PPP6R3: variants seen among roughly 807,000 people sequenced by gnomAD.
PPP6R3 encodes the protein protein phosphatase 6 regulatory subunit 3.
PPP6R3 carries 38 observed loss-of-function variants against 110.7 expected under a neutral mutation model. That is an observed-to-expected ratio of 0.34 (90% CI 0.26 to 0.45). The LOEUF is 0.45. Ranked by LOEUF, PPP6R3 falls within the 20% of genes least tolerant of loss-of-function variation. The probability of loss-of-function intolerance (pLI) is 1.00; values close to 1 mark genes in which losing one functional copy is unlikely to be tolerated. For missense variants in PPP6R3, 870 were observed against 1,062.4 expected, an observed-to-expected ratio of 0.82 and a Z score of 2.52; for synonymous variants, 369 against 373.5, an observed-to-expected ratio of 0.99 and a Z score of 0.14.
chr11:68,547,990 C>T (rs578174958), intron 4 of PPP6R3, 77 bp from the exon 5 acceptor site: 20 of 1,405,608 alleles, frequency 1.4e-5, no homozygotes, highest in East Asian at 2.5e-5. Flanking sequence ...TTGGAGGAGT[C>T]GGGGTTGGGA....
intron 19 of PPP6R3, among the ~76,000 whole-genome samples, chr11:68,597,817 GA>G (rs10690649): frequency 2.5e-3 from 295 of 119,388 alleles, no homozygotes; most frequent in Admixed American, 3.5e-3. Flanking sequence ...TGTCTCTACT[GA>G]AAAAAAAAAA....
intron 1 of PPP6R3, among the ~76,000 whole-genome samples, chr11:68,495,278 C>G (rs938952232): frequency 2.6e-5 from 4 of 152,160 alleles, no homozygotes; most frequent in Non-Finnish European, 5.9e-5. Context: ...TGCTAAAACC[C>G]TTAAAAAACA....
In PPP6R3 at chr11:68,613,888, G is replaced by C. The variant is rs969946801; in HGVS notation, c.*771G>C. ...AGACTATTTGGAGTGTATATGGCTT[G>C]TGTTTTGGGATTTTTTTTTTTTTTT... On this transcript the variant is annotated 3_prime_UTR_variant, in exon 24 of 24. Coordinates refer to ENST00000393800, the MANE Select transcript of PPP6R3 (RefSeq NM_001164161.2). 94 of 958,866 alleles carry C rather than the reference G, an allele frequency of 9.8e-5. No individual in the cohort carries two copies. Among genetic ancestry groups the C allele is most frequent in the Non-Finnish European group, 1.1e-4 (91 of 812,524 alleles). The allele number at this position is 958,866 out of a possible 1,614,324, so 59.4% of individuals were successfully genotyped here. A position where few individuals can be genotyped will look rare whatever the true frequency, so the allele number is the denominator to read the frequency against.
intron 1 of PPP6R3, among the ~76,000 whole-genome samples, chr11:68,477,455 TTA>T (rs2098840433): frequency 1.3e-5 from 2 of 152,052 alleles, no homozygotes; most frequent in Non-Finnish European, 2.9e-5. Context: ...GTGCAGTGAC[TTA>T]TGCCTGTTAT....
chr11:68,606,286 C>T (rs1048111146), intron 22 of PPP6R3, among the ~76,000 whole-genome samples: 3 of 150,792 alleles, frequency 2.0e-5, no homozygotes, highest in Admixed American at 6.6e-5. Context: ...TTCTTTCCTC[C>T]TCTTCCTCCT....
At chr11:68,587,748 GT>G in intron 15 of PPP6R3, 178 bp from the exon 16 acceptor site, 1 of 684,368 alleles carries the variant, frequency 1.5e-6, no homozygotes, top group Non-Finnish European at 2.6e-6. Flanking sequence ...AATTTCAAAC[GT>G]TTCCTTTTTT....
intron 6 of PPP6R3, among the ~76,000 whole-genome samples, chr11:68,552,149 A>G (rs535702050): frequency 6.9e-4 from 105 of 151,890 alleles, no homozygotes; most frequent in African/African-American, 2.4e-3. Flanking sequence ...GTAGTCATCC[A>G]TTTTTACCTA....
At chr11:68,565,657 A>G (rs2099460920) in intron 9 of PPP6R3, among the ~76,000 whole-genome samples, 1 of 151,990 alleles carries the variant, frequency 6.6e-6, no homozygotes, top group African/African-American at 2.4e-5. Flanking sequence ...TTCTGGGTGG[A>G]CAAACAGGTG....
Position 68,558,408 on chromosome 11 carries a change from A to G in PPP6R3, c.732-158A>G, listed in dbSNP as rs559901328. On this transcript the variant is annotated intron_variant, in intron 7 of 23. Transcript: ENST00000393800. ...TGTGTGTAATTTATAAATAGGATCA[A>G]TTGCCTACTTTAATAAGTATATAGA... 1.5e-5 allele frequency: 7 copies of G among 481,732 alleles called. No individual in the cohort carries two copies. The South Asian group carries it at 1.6e-4, about 11-fold the overall frequency. 29.8% of individuals were successfully genotyped at this position (481,732 alleles called of 1,614,324 possible).
chr11:68,590,833 TGTTACATAC>T (rs771119323), intron 17 of PPP6R3, 119 bp downstream of exon 17: 229 of 1,189,510 alleles, frequency 1.9e-4, no homozygotes, highest in Admixed American at 3.3e-4. Flanking sequence ...CCTAAATTGG[TGTTACATAC>T]TTCACTCTGT....
intron 16 of PPP6R3, among the ~76,000 whole-genome samples, chr11:68,589,003 T>G (rs947448751): frequency 2.6e-5 from 4 of 151,898 alleles, no homozygotes; most frequent in African/African-American, 9.7e-5. Context: ...GGTTAGGGGT[T>G]CGAGACCAGC....
intron 7 of PPP6R3, among the ~76,000 whole-genome samples, chr11:68,556,407 A>C (rs746869979): frequency 7.9e-5 from 12 of 152,190 alleles, no homozygotes; most frequent in Non-Finnish European, 1.8e-4. Context: ...GAAGTTCAAA[A>C]ATTTTTTAAA....
chr11:68,542,444 A>AGTGCAGT (rs1452579820), intron 3 of PPP6R3, among the ~76,000 whole-genome samples: 1 of 115,118 alleles, frequency 8.7e-6, no homozygotes, highest in Non-Finnish European at 1.6e-5. Context: ...TCCAGGCTGG[A>AGTGCAGT]GTGCAGTGGC....
chr11:68,585,904 C>A (rs908599715), intron 15 of PPP6R3, among the ~76,000 whole-genome samples: 22 of 152,072 alleles, frequency 1.4e-4, no homozygotes, highest in African/African-American at 5.3e-4. Context: ...AATATAACAA[C>A]ATTTTGGGGA....
At chr11:68,603,302 C>T (rs17530948) in intron 21 of PPP6R3, 40 bp from the exon 22 acceptor site, 156,383 of 1,606,952 alleles carry the variant, frequency 0.097, 8,533 homozygotes, top group Non-Finnish European at 0.11. Context: ...AGTTCCTTTT[C>T]GGGCTTGCTG....
At chr11:68,591,173 A>G (rs935444317) in intron 17 of PPP6R3, among the ~76,000 whole-genome samples, 4 of 152,038 alleles carry the variant, frequency 2.6e-5, no homozygotes, top group Admixed American at 6.6e-5. Context: ...CTGATGGAGT[A>G]AGGTAGGAAC....
At chr11:68,562,036 T>C (rs561079253) in intron 8 of PPP6R3, among the ~76,000 whole-genome samples, 2 of 130,770 alleles carry the variant, frequency 1.5e-5, no homozygotes, top group Non-Finnish European at 3.3e-5. Flanking sequence ...TTGTAGAATA[T>C]CCTAAAGAAC....
At chr11:68,523,052 A>G (rs1255325056) in intron 2 of PPP6R3, among the ~76,000 whole-genome samples, 4 of 152,162 alleles carry the variant, frequency 2.6e-5, no homozygotes, top group Non-Finnish European at 5.9e-5. Flanking sequence ...CTTGGCTTCT[A>G]ATTATGAAGA....
chr11:68,467,057 C>T (rs761592268), intron 1 of PPP6R3, among the ~76,000 whole-genome samples: 7 of 152,240 alleles, frequency 4.6e-5, no homozygotes, highest in Non-Finnish European at 8.8e-5. Flanking sequence ...AGGACATTGT[C>T]ATGTCACAGA....
Sources: allele counts gnomAD v4.1 joint callset (sites outside exome capture counted in the v4.1 genomes callset), GRCh38; gene constraint gnomAD v4.1.1; transcripts MANE v1.5; gene names NCBI Gene and HGNC (gene_info 2026-07-23, HGNC 2026-07-21).